The following GPR158 variants were observed in gnomAD, a reference collection of about 807,000 sequenced individuals.
GPR158 encodes the protein G protein-coupled receptor 158.
Under a neutral mutation model 78.2 loss-of-function variants are expected in GPR158, and 30 were observed. The ratio of observed to expected loss-of-function variants is 0.38; its 90% CI spans 0.29 to 0.52. GPR158 has a LOEUF of 0.52. GPR158 is among the 20% of genes least tolerant of loss of function. The probability of loss-of-function intolerance (pLI) is 0.83; values close to 1 mark genes in which losing one functional copy is unlikely to be tolerated. For missense variants in GPR158, 1,463 were observed against 1,523.5 expected, an observed-to-expected ratio of 0.96 and a Z score of 0.66; for synonymous variants, 581 against 591.1, an observed-to-expected ratio of 0.98 and a Z score of 0.25.
chr10:25,175,358 C>T lies in GPR158; in HGVS notation c.-63C>T, dbSNP rs1338739332. On this transcript the variant is annotated 5_prime_UTR_variant, in exon 1 of 11. It adds an upstream start codon to the 5' untranslated region. Coordinates refer to ENST00000376351, the MANE Select transcript of GPR158 (RefSeq NM_020752.3). The surrounding 1 kb of genome is among the most constrained non-coding windows in gnomAD (Gnocchi z 6.4). Reference sequence around the variant, plus strand: ...AAAAGTCTGACTGTTGAGAAACTGACGATCCAAATTTAAAAAGTGATTCCC... The same window carrying T: ...AAAAGTCTGACTGTTGAGAAACTGATGATCCAAATTTAAAAAGTGATTCCC... 3.0e-6 allele frequency: 3 copies of T among 1,013,812 alleles called. No individual in the cohort carries two copies. Among genetic ancestry groups the T allele is most frequent in the Non-Finnish European group, 4.4e-6 (3 of 679,650 alleles). The allele number at this position is 1,013,812 out of a possible 1,614,324, so 62.8% of individuals were successfully genotyped here. A position where few individuals can be genotyped will look rare whatever the true frequency, so the allele number is the denominator to read the frequency against.
chr10:25,441,286 C>G lies in GPR158; in HGVS notation c.1336-25365C>G, dbSNP rs544264059. ...CTTCTATTTAAAGGTAGCTCTATAC[C>G]CAAATTCAGTTAGCAATTAGCAAAA... On this transcript the variant is annotated intron_variant, in intron 4 of 10. Transcript: ENST00000376351. Among the ~76,000 whole-genome samples the G allele has an allele frequency of 1.7e-4, 26 of 152,258 alleles. No individual in the cohort carries two copies. The South Asian group carries it at 4.8e-3, about 28-fold the overall frequency.
chr10:25,557,750 A>ATGTT, intron 6 of GPR158, among the ~76,000 whole-genome samples: 1 of 152,376 alleles, frequency 6.6e-6, no homozygotes, highest in East Asian at 1.9e-4. Context: ...CTGACAAGAC[A>ATGTT]TGTTTTATTA....
chr10:25,589,283 A>G (rs1037636488), intron 8 of GPR158, 138 bp downstream of exon 8: 2 of 552,606 alleles, frequency 3.6e-6, no homozygotes, highest in African/African-American at 3.7e-5. Context: ...TTTCTTTTAC[A>G]GATTTGGAAA....
intron 1 of GPR158, among the ~76,000 whole-genome samples, chr10:25,182,184 G>A (rs901168796): frequency 5.3e-5 from 8 of 152,128 alleles, no homozygotes; most frequent in African/African-American, 1.9e-4. Flanking sequence ...AATGAGTTAA[G>A]TACATAAACT....
intron 2 of GPR158, among the ~76,000 whole-genome samples, chr10:25,237,783 A>T (rs1853543623): frequency 6.6e-6 from 1 of 152,212 alleles, no homozygotes; most frequent in Non-Finnish European, 1.5e-5. Flanking sequence ...CAACCAAACC[A>T]CTAAATTAAA....
chr10:25,388,530 G>A (rs1174076100), intron 2 of GPR158, among the ~76,000 whole-genome samples: 2 of 152,260 alleles, frequency 1.3e-5, no homozygotes, highest in African/African-American at 4.8e-5. Context: ...TTTTTGTGGG[G>A]TTGGCCAGGT....
chr10:25,181,046 C>T (rs1318804730), intron 1 of GPR158, among the ~76,000 whole-genome samples: 2 of 152,158 alleles, frequency 1.3e-5, no homozygotes, highest in Non-Finnish European at 2.9e-5. Context: ...GATTCTATTA[C>T]AGATTTCTGC....
In GPR158 at chr10:25,241,416, CTTT is replaced by C. The variant is rs1268676944; in HGVS notation, c.1008+20261_1008+20263del. Among the ~76,000 whole-genome samples the C allele has an allele frequency of 2.3e-3, 316 of 138,030 alleles. 5 individuals are homozygous for C. The highest frequency in any genetic ancestry group is 7.7e-3 in the African/African-American group (261 of 33,824). 90.6% of individuals were successfully genotyped at this position (138,030 alleles called of 152,430 possible). On this transcript the variant is annotated intron_variant, in intron 2 of 10. Coordinates refer to ENST00000376351, the MANE Select transcript of GPR158 (RefSeq NM_020752.3). ...CTTCTCTTCTCTTCTCTTCTCTTTT[CTTT>C]TCTTTTCTTTTCTTTTCTTTCGACA...
At chr10:25,216,264 G>C (rs181085299) in intron 1 of GPR158, among the ~76,000 whole-genome samples, 1 of 152,328 alleles carries the variant, frequency 6.6e-6, no homozygotes, top group East Asian at 1.9e-4. Context: ...TTTCAGCACA[G>C]CTTCTACCTT....
chr10:25,346,870 A>G (rs1295241384), intron 2 of GPR158, among the ~76,000 whole-genome samples: 5 of 152,034 alleles, frequency 3.3e-5, no homozygotes, highest in Non-Finnish European at 7.4e-5. Flanking sequence ...GAAGCATCGG[A>G]TTAAGAGAAC....
chr10:25,207,722 T>C (rs916529218), intron 1 of GPR158, among the ~76,000 whole-genome samples: 1 of 152,114 alleles, frequency 6.6e-6, no homozygotes, highest in African/African-American at 2.4e-5. Flanking sequence ...GAGGGACTCC[T>C]GGGATAGAGC....
At chr10:25,252,862 G>T (rs1462253728) in intron 2 of GPR158, among the ~76,000 whole-genome samples, 1 of 152,192 alleles carries the variant, frequency 6.6e-6, no homozygotes, top group Non-Finnish European at 1.5e-5. Context: ...CTTCCTGGCT[G>T]CTTTGTTTAC....
intron 1 of GPR158, among the ~76,000 whole-genome samples, chr10:25,214,135 C>T (rs893679002): frequency 5.9e-5 from 9 of 151,986 alleles, no homozygotes; most frequent in African/African-American, 2.2e-4. Flanking sequence ...GCTGGGACTA[C>T]AGGCGCCCGA....
rs558722096 is a variant in GPR158, at chr10:25,447,898, G to A, written c.1336-18753G>A. ...ACATAACCCACATGTCTATGAAGATGTGGAAGTCTCCATTAGCCTCAGAAG... is the reference window on the plus strand; with the variant it reads ...ACATAACCCACATGTCTATGAAGATATGGAAGTCTCCATTAGCCTCAGAAG... On this transcript the variant is annotated intron_variant, in intron 4 of 10. Transcript: ENST00000376351. 9.9e-5 allele frequency among the ~76,000 whole-genome samples: 15 copies of A among 152,268 alleles called. No homozygotes were observed. In the South Asian group the frequency reaches 2.7e-3, roughly 27 times the overall value.
At chr10:25,444,838 A>G (rs1363059186) in intron 4 of GPR158, among the ~76,000 whole-genome samples, 1 of 152,142 alleles carries the variant, frequency 6.6e-6, no homozygotes, top group African/African-American at 2.4e-5. Context: ...AGTTCCTTAG[A>G]GAACAGTAGT....
At chr10:25,500,289 AC>A (rs1835934977) in intron 5 of GPR158, among the ~76,000 whole-genome samples, 1 of 152,132 alleles carries the variant, frequency 6.6e-6, no homozygotes. Flanking sequence ...TTCTTTAAAA[AC>A]CTGGATTTTA....
At chr10:25,350,181 A>T (rs1289690265) in intron 2 of GPR158, among the ~76,000 whole-genome samples, 1 of 152,016 alleles carries the variant, frequency 6.6e-6, no homozygotes, top group African/African-American at 2.4e-5. Context: ...CGTAACTTAC[A>T]AATATCAGTA....
At chr10:25,312,947 G>C (rs959522044) in intron 2 of GPR158, among the ~76,000 whole-genome samples, 11 of 152,100 alleles carry the variant, frequency 7.2e-5, no homozygotes, top group African/African-American at 2.6e-4. Context: ...AGTAGAAAAA[G>C]CAATAATATC....
intron 2 of GPR158, among the ~76,000 whole-genome samples, chr10:25,373,876 T>C (rs1834039183): frequency 6.6e-6 from 1 of 151,812 alleles, no homozygotes; most frequent in Admixed American, 6.6e-5. Flanking sequence ...ATCCAATTTA[T>C]ACACTTGAAA....
Sources: gnomAD v4.1 joint callset for allele counts (sites outside exome capture counted in the v4.1 genomes callset) on GRCh38, gnomAD v4.1.1 for gene constraint, Gnocchi (gnomAD v3.1) non-coding constraint, MANE v1.5 for transcripts, NCBI Gene and HGNC (gene_info 2026-07-23, HGNC 2026-07-21) for gene names.